ROBO1: variants seen among roughly 807,000 people sequenced by gnomAD.
ROBO1 encodes the protein roundabout guidance receptor 1, also known as roundabout homolog 1.
In ROBO1, 149 loss-of-function variants were observed where a neutral mutation model predicts 195.9. The observed-to-expected ratio is 0.76, with a 90% CI of 0.67 to 0.87. The LOEUF (loss-of-function observed/expected upper bound fraction) is 0.87, where lower values mean the gene tolerates loss of function less well. Among genes scored for constraint, ROBO1 ranks in the 40% least tolerant of loss-of-function variants. The probability of loss-of-function intolerance (pLI) is 0.00; values close to 1 mark genes in which losing one functional copy is unlikely to be tolerated. For synonymous variants in ROBO1, 816 were observed against 733.2 expected (o/e 1.11, Z -1.82); for missense variants, 1,933 against 2,068.3 (o/e 0.93, Z 1.27).
intron 1 of ROBO1, among the ~76,000 whole-genome samples, chr3:79,698,262 AATG>A (rs1947504935): frequency 2.6e-5 from 4 of 151,528 alleles, no homozygotes; most frequent in Admixed American, 2.0e-4. Flanking sequence ...AATAATGGAA[AATG>A]TAAAACTTGT....
intron 2 of ROBO1, among the ~76,000 whole-genome samples, chr3:79,520,786 G>A (rs1941175077): frequency 6.6e-6 from 1 of 151,810 alleles, no homozygotes; most frequent in Admixed American, 6.6e-5. Context: ...TGAAACTAAT[G>A]TCTCTTGGTT....
chr3:78,881,000 C>T (rs985137149), intron 4 of ROBO1, among the ~76,000 whole-genome samples: 16 of 152,100 alleles, frequency 1.1e-4, no homozygotes, highest in Non-Finnish European at 1.6e-4. Context: ...TATGGACTAG[C>T]GTATTCTCTT....
At chr3:78,898,395 T>TG (rs2037379528) in intron 4 of ROBO1, among the ~76,000 whole-genome samples, 1 of 139,506 alleles carries the variant, frequency 7.2e-6, no homozygotes, top group African/African-American at 2.7e-5. Context: ...TTTTTTTTTT[T>TG]TTTTTTTTTT....
intron 1 of ROBO1, among the ~76,000 whole-genome samples, chr3:79,629,935 C>CA (rs150913153): frequency 0.031 from 4,667 of 151,742 alleles, 108 homozygotes; most frequent in African/African-American, 0.056. Context: ...AATATTGAAC[C>CA]AAGAAGAAAT....
At chr3:79,270,451 A>G (rs918931146) in intron 2 of ROBO1, among the ~76,000 whole-genome samples, 4 of 151,840 alleles carry the variant, frequency 2.6e-5, no homozygotes, top group African/African-American at 9.7e-5. Flanking sequence ...AAAAAAACAA[A>G]TAAATTAGTG....
At chr3:79,030,732 A>AT (rs1172428824) in intron 3 of ROBO1, among the ~76,000 whole-genome samples, 7 of 151,996 alleles carry the variant, frequency 4.6e-5, no homozygotes, top group African/African-American at 7.2e-5. Flanking sequence ...TTATTTATTT[A>AT]TTTTTTTGAG....
rs1487493020 is a variant in ROBO1 at position 78,627,587 on chromosome 3, G to A, written c.3627-18C>T. The A allele has an allele frequency of 1.3e-6, 2 of 1,595,834 alleles. No individual in the cohort carries two copies. The highest frequency in any genetic ancestry group is 3.4e-5 in the Admixed American group (2 of 58,760). On this transcript the variant is annotated intron_variant, in intron 25 of 30. Transcript: ENST00000464233. ...GGTCATAGCTAAAATAAATGATAAG[G>A]ATGTGTAGACTTACTTCAGGTTATT...
intron 4 of ROBO1, among the ~76,000 whole-genome samples, chr3:78,750,491 A>T (rs1426546315): frequency 2.7e-5 from 4 of 148,788 alleles, no homozygotes; most frequent in African/African-American, 1.0e-4. Flanking sequence ...ATAAATAAAT[A>T]AATAAATAAA....
chr3:79,561,652 A>T (rs553084617), intron 2 of ROBO1, among the ~76,000 whole-genome samples: 2 of 152,304 alleles, frequency 1.3e-5, no homozygotes, highest in African/African-American at 4.8e-5. Context: ...ATTAACTGTG[A>T]TGTTTGGAGA....
intron 4 of ROBO1, among the ~76,000 whole-genome samples, chr3:78,887,502 T>A (rs969891303): frequency 2.6e-5 from 4 of 152,188 alleles, no homozygotes; most frequent in African/African-American, 9.7e-5. Flanking sequence ...TGAGCTAAAT[T>A]TCATCAAGAT....
chr3:79,408,117 G>C (rs1002075096), intron 2 of ROBO1, among the ~76,000 whole-genome samples: 2 of 151,972 alleles, frequency 1.3e-5, no homozygotes, highest in African/African-American at 4.8e-5. Context: ...TCGGGAGGCT[G>C]AGAGGCAGGA....
At chr3:79,650,653 A>G (rs1008675450) in intron 1 of ROBO1, among the ~76,000 whole-genome samples, 1 of 151,882 alleles carries the variant, frequency 6.6e-6, no homozygotes, top group African/African-American at 2.4e-5. Flanking sequence ...AAATTCTAAT[A>G]CATTTTAGGA....
In ROBO1 at chr3:78,597,574, A is replaced by AATG. The variant is rs369310390; in HGVS notation, c.*1336_*1338dup. ...TTCAAATAGCACCAATTATAAAATC[A>AATG]ATGATATTCATAAAATGACAAAAAA... On this transcript the variant is annotated 3_prime_UTR_variant, in exon 31 of 31. Coordinates refer to ENST00000464233, the MANE Select transcript of ROBO1 (RefSeq NM_002941.4). 6.6e-6 allele frequency: 1 copy of AATG among 152,388 alleles called. No homozygotes were observed. Among genetic ancestry groups the AATG allele is most frequent in the Non-Finnish European group, 1.5e-5 (1 of 67,992 alleles). 9.4% of individuals were successfully genotyped at this position (152,388 alleles called of 1,614,324 possible).
intron 1 of ROBO1, among the ~76,000 whole-genome samples, chr3:79,726,689 G>A (rs1274877288): frequency 1.3e-5 from 2 of 152,090 alleles, no homozygotes; most frequent in African/African-American, 4.8e-5. Flanking sequence ...CAACAGCAAG[G>A]CTTTGCTGGT....
Position 78,885,440 on chromosome 3 carries a change from A to C in ROBO1, c.499+53161T>G, listed in dbSNP as rs1301630267. On this transcript the variant is annotated intron_variant, in intron 4 of 30. Coordinates refer to ENST00000464233, the MANE Select transcript of ROBO1 (RefSeq NM_002941.4). Reference sequence around the variant, plus strand: ...AAAAAAAAAAAAAAAAAAAAAAAAAAAACTGAGAGTTCTCAAAAATATTTC... The same window carrying C: ...AAAAAAAAAAAAAAAAAAAAAAAAACAACTGAGAGTTCTCAAAAATATTTC... Among the ~76,000 whole-genome samples the C allele has an allele frequency of 3.4e-5, 5 of 148,076 alleles. No homozygotes were observed. In the South Asian group the frequency reaches 1.1e-3, roughly 31 times the overall value.
intron 10 of ROBO1, among the ~76,000 whole-genome samples, chr3:78,676,756 A>T (rs1221769711): frequency 6.6e-6 from 1 of 152,226 alleles, no homozygotes; most frequent in African/African-American, 2.4e-5. Flanking sequence ...ACTCTGCAGG[A>T]TATTATCCAG....
At chr3:79,246,201 CTT>C (rs2082621833) in intron 2 of ROBO1, among the ~76,000 whole-genome samples, 2 of 152,068 alleles carry the variant, frequency 1.3e-5, no homozygotes, top group Admixed American at 1.3e-4. Context: ...TAAAACATAA[CTT>C]ATGAATGAAT....
intron 1 of ROBO1, among the ~76,000 whole-genome samples, chr3:79,746,420 C>A (rs535492236): frequency 7.4e-4 from 112 of 152,112 alleles, no homozygotes; most frequent in African/African-American, 2.6e-3. Flanking sequence ...AGTGCTTAAA[C>A]CATAATTATT....
chr3:79,189,224 A>G (rs2081495590), intron 2 of ROBO1, among the ~76,000 whole-genome samples: 1 of 151,844 alleles, frequency 6.6e-6, no homozygotes, highest in South Asian at 2.1e-4. Context: ...ATACAGTTGC[A>G]CAGAGATGCT....
Sources: gnomAD v4.1 joint callset for allele counts (sites outside exome capture counted in the v4.1 genomes callset) on GRCh38, gnomAD v4.1.1 for gene constraint, MANE v1.5 for transcripts, NCBI Gene and HGNC (gene_info 2026-07-23, HGNC 2026-07-21) for gene names.